Variants in SHISA9 observed in about 807,000 individuals in gnomAD.
The protein encoded by SHISA9 is shisa family member 9, also known as protein shisa-9.
SHISA9 carries 13 observed loss-of-function variants against 38.0 expected under a neutral mutation model. The ratio of observed to expected loss-of-function variants is 0.34; its 90% CI spans 0.22 to 0.54. SHISA9 has a LOEUF of 0.54. Ranked by LOEUF, SHISA9 falls within the 20% of genes least tolerant of loss-of-function variation. SHISA9 has a pLI of 0.91. For synonymous variants in SHISA9, 275 were observed against 242.0 expected (o/e 1.14, Z -1.27); for missense variants, 538 against 575.8 (o/e 0.93, Z 0.67).
At chr16:13,057,365 C>T (rs558414212) in intron 2 of SHISA9, among the ~76,000 whole-genome samples, 1 of 152,260 alleles carries the variant, frequency 6.6e-6, no homozygotes, top group Middle Eastern at 3.4e-3. Flanking sequence ...TAGGGAGTGT[C>T]GGATTCACCG....
chr16:13,028,179 C>G (rs1288330710), intron 2 of SHISA9, among the ~76,000 whole-genome samples: 1 of 151,878 alleles, frequency 6.6e-6, no homozygotes, highest in African/African-American at 2.4e-5. Context: ...AAACTGTGTA[C>G]TTAACATGGG....
At chr16:13,554,940 G>A in the SHISA9 span, among the ~76,000 whole-genome samples, 5 of 152,150 alleles carry the variant, frequency 3.3e-5, no homozygotes, top group Admixed American at 3.3e-4. Context: ...CCTGTGCCTT[G>A]GGTTAAATCC....
chr16:12,941,678 C>T (rs1236220372), intron 2 of SHISA9, among the ~76,000 whole-genome samples: 1 of 152,188 alleles, frequency 6.6e-6, no homozygotes, highest in Non-Finnish European at 1.5e-5. Context: ...CATGGTGAAA[C>T]CCCATCTCTA....
the SHISA9 span, among the ~76,000 whole-genome samples, chr16:13,450,103 G>T: frequency 6.6e-6 from 1 of 152,022 alleles, no homozygotes; most frequent in African/African-American, 2.4e-5. Flanking sequence ...AGTGATAGAG[G>T]GAGACTCTGT....
chr16:12,989,877 G>A (rs190650091), intron 2 of SHISA9, among the ~76,000 whole-genome samples: 96 of 152,178 alleles, frequency 6.3e-4, no homozygotes, highest in African/African-American at 2.1e-3. Flanking sequence ...AGATCATCCC[G>A]TCGCCTGGGT....
chr16:12,962,114 G>T (rs994805649), intron 2 of SHISA9, among the ~76,000 whole-genome samples: 2 of 152,216 alleles, frequency 1.3e-5, no homozygotes, highest in Non-Finnish European at 2.9e-5. Flanking sequence ...TACTCCAGTC[G>T]ATGCGAAGGC....
At chr16:13,125,482 C>T (rs1305508459) in intron 2 of SHISA9, among the ~76,000 whole-genome samples, 2 of 152,150 alleles carry the variant, frequency 1.3e-5, no homozygotes, top group African/African-American at 4.8e-5. Context: ...GGGGTGGTAA[C>T]ACTTATCTCA....
At chr16:13,216,184 CAAAA>C (rs929173872) in intron 4 of SHISA9, among the ~76,000 whole-genome samples, 8 of 113,020 alleles carry the variant, frequency 7.1e-5, no homozygotes, top group African/African-American at 9.8e-5. Context: ...GAGACTCTGT[CAAAA>C]AAAAAAAAAA....
chr16:13,095,317 A>G (rs2073814097), intron 2 of SHISA9, among the ~76,000 whole-genome samples: 1 of 152,198 alleles, frequency 6.6e-6, no homozygotes, highest in African/African-American at 2.4e-5. Flanking sequence ...GATGCTGGGG[A>G]GTGGTCAGCT....
At chr16:13,501,725 G>A in the SHISA9 span, among the ~76,000 whole-genome samples, 3 of 152,090 alleles carry the variant, frequency 2.0e-5, no homozygotes, top group Non-Finnish European at 2.9e-5. Context: ...GAAAGAGGGC[G>A]GGCACGGTGG....
chr16:13,336,791 T>A, the SHISA9 span, among the ~76,000 whole-genome samples: 39 of 152,230 alleles, frequency 2.6e-4, no homozygotes, highest in Non-Finnish European at 5.0e-4. Context: ...AGACCCTGGT[T>A]CTCTAGGCAC....
At chr16:13,069,678 C>G (rs149531090) in intron 2 of SHISA9, among the ~76,000 whole-genome samples, 1 of 151,658 alleles carries the variant, frequency 6.6e-6, no homozygotes, top group Non-Finnish European at 1.5e-5. Flanking sequence ...TGTGTGTGTA[C>G]CCATACCAGT....
At chr16:13,361,103 C>T in the SHISA9 span, among the ~76,000 whole-genome samples, 1 of 152,204 alleles carries the variant, frequency 6.6e-6, no homozygotes, top group Non-Finnish European at 1.5e-5. Context: ...TTCTAGTACT[C>T]ACACTTTTTC....
the SHISA9 span, among the ~76,000 whole-genome samples, chr16:13,406,569 C>A: frequency 6.6e-6 from 1 of 152,334 alleles, no homozygotes; most frequent in Non-Finnish European, 1.5e-5. Context: ...TTCAAGAGCA[C>A]TTGACTATGC....
chr16:13,025,736 T>C (rs994054883), intron 2 of SHISA9, among the ~76,000 whole-genome samples: 2 of 152,330 alleles, frequency 1.3e-5, no homozygotes, highest in East Asian at 3.9e-4. Context: ...TCAGTTCTTT[T>C]TTTTATTTTT....
intron 2 of SHISA9, among the ~76,000 whole-genome samples, chr16:13,182,912 C>G (rs909120981): frequency 1.3e-5 from 2 of 152,214 alleles, no homozygotes; most frequent in Non-Finnish European, 2.9e-5. Flanking sequence ...GTTGCAGTCA[C>G]ACAGTGACTG....
chr16:12,973,564 C>T (rs2072114237), intron 2 of SHISA9, among the ~76,000 whole-genome samples: 1 of 152,322 alleles, frequency 6.6e-6, no homozygotes, highest in South Asian at 2.1e-4. Flanking sequence ...TCTCCTTCCT[C>T]CTGCAGACAA....
chr16:13,194,750 T>TA (rs2142044432), intron 2 of SHISA9, among the ~76,000 whole-genome samples: 1 of 152,264 alleles, frequency 6.6e-6, no homozygotes, highest in South Asian at 2.1e-4. Flanking sequence ...ATTAAAAACT[T>TA]AAAAAATACA....
At chr16:13,221,426 GA>G (rs1234318689) in intron 4 of SHISA9, among the ~76,000 whole-genome samples, 1 of 137,504 alleles carries the variant, frequency 7.3e-6, no homozygotes, top group African/African-American at 2.8e-5. Flanking sequence ...AAAGAAGAGA[GA>G]AATACCTGGA....
Sources: allele counts gnomAD v4.1 joint callset (sites outside exome capture counted in the v4.1 genomes callset), GRCh38; gene constraint gnomAD v4.1.1; transcripts MANE v1.5; gene names NCBI Gene and HGNC (gene_info 2026-07-23, HGNC 2026-07-21).